TM2D1: variants seen among roughly 807,000 people sequenced by gnomAD.
TM2D1 encodes TM2 domain-containing protein 1.
Under a neutral mutation model 28.4 loss-of-function variants are expected in TM2D1, and 15 were observed. The observed-to-expected ratio is 0.53, with a 90% CI of 0.35 to 0.81. TM2D1 has a LOEUF of 0.81. Ranked by LOEUF, TM2D1 falls within the 40% of genes least tolerant of loss-of-function variation. TM2D1 has a pLI of 0.01. For missense variants in TM2D1, 236 were observed against 254.9 expected (o/e 0.93, Z 0.50); for synonymous variants, 93 against 96.2 (o/e 0.97, Z 0.20).
At chr1:61,705,958 T>C (rs1048899827) in intron 3 of TM2D1, among the ~76,000 whole-genome samples, 1 of 152,184 alleles carries the variant, frequency 6.6e-6, no homozygotes, top group Non-Finnish European at 1.5e-5. Flanking sequence ...TATATATAGT[T>C]TGAAAAACAA....
intron 5 of TM2D1, among the ~76,000 whole-genome samples, chr1:61,692,369 G>A (rs957213462): frequency 1.3e-4 from 19 of 151,712 alleles, no homozygotes; most frequent in East Asian, 3.9e-4. Context: ...TGCCCGATAC[G>A]TTTATGGGAT....
At chr1:61,721,785 A>G (rs1570133009) in intron 2 of TM2D1, among the ~76,000 whole-genome samples, 1 of 151,924 alleles carries the variant, frequency 6.6e-6, no homozygotes, top group East Asian at 1.9e-4. Flanking sequence ...TTGATTCACC[A>G]TAGTTAGTCC....
At chr1:61,690,623 G>C (rs1644317058) in intron 5 of TM2D1, among the ~76,000 whole-genome samples, 1 of 151,982 alleles carries the variant, frequency 6.6e-6, no homozygotes, top group South Asian at 2.1e-4. Flanking sequence ...TAGGCACAAA[G>C]CCACACTTTG....
chr1:61,694,911 C>A, intron 4 of TM2D1, 141 bp from the exon 5 acceptor site: 1 of 438,870 alleles, frequency 2.3e-6, no homozygotes, highest in East Asian at 3.6e-5. Flanking sequence ...TTAAAGAAAT[C>A]AAATCTTCAC....
intron 5 of TM2D1, among the ~76,000 whole-genome samples, chr1:61,690,262 G>A (rs1162790156): frequency 6.6e-6 from 1 of 152,052 alleles, no homozygotes; most frequent in African/African-American, 2.4e-5. Context: ...TTCAAGACCA[G>A]CCTGGCCAAT....
intron 3 of TM2D1, among the ~76,000 whole-genome samples, chr1:61,705,307 T>C (rs1335475028): frequency 6.6e-6 from 1 of 151,984 alleles, no homozygotes; most frequent in African/African-American, 2.4e-5. Flanking sequence ...ATGCCTCAGC[T>C]CCTGAGTAGC....
chr1:61,709,467 A>ATT (rs571139088), intron 2 of TM2D1, 30 bp from the exon 3 acceptor site: 128 of 1,357,862 alleles, frequency 9.4e-5, no homozygotes, highest in Non-Finnish European at 1.1e-4. Flanking sequence ...AGAAACTGTT[A>ATT]TTTTTTTTTT....
chr1:61,715,477 G>A lies in TM2D1; in HGVS notation c.239-6040C>T, dbSNP rs181042371. On this transcript the variant is annotated intron_variant, in intron 2 of 6. Transcript: ENST00000606498. ...AGCCTGGCCAACATGGTAAAACCCCGTCTCTACTAAAAATACACAAATTAG... is the reference window on the plus strand; with the variant it reads ...AGCCTGGCCAACATGGTAAAACCCCATCTCTACTAAAAATACACAAATTAG... Among the ~76,000 whole-genome samples the A allele has an allele frequency of 1.6e-3, 238 of 151,344 alleles. 1 individual carries two copies. The highest frequency in any genetic ancestry group is 4.8e-3 in the African/African-American group (197 of 41,268).
chr1:61,717,040 T>C (rs1294281199), intron 2 of TM2D1, among the ~76,000 whole-genome samples: 1 of 152,052 alleles, frequency 6.6e-6, no homozygotes, highest in Non-Finnish European at 1.5e-5. Flanking sequence ...AACAAATCAA[T>C]ATGACAAGAT....
intron 3 of TM2D1, among the ~76,000 whole-genome samples, chr1:61,702,504 G>A (rs1570110399): frequency 6.6e-6 from 1 of 150,812 alleles, no homozygotes; most frequent in East Asian, 2.0e-4. Context: ...AAGTACCTGG[G>A]AGTACAGGCG....
rs908424833 is a variant in TM2D1, at chr1:61,717,820, T to TA, written c.238+5892dup. Among the ~76,000 whole-genome samples the TA allele has an allele frequency of 4.1e-3, 598 of 144,732 alleles. 9 individuals are homozygous for TA. The highest frequency in any genetic ancestry group is 5.5e-3 in the South Asian group (25 of 4,572). The allele number at this position is 144,732 out of a possible 152,430, so 94.9% of individuals were successfully genotyped here. A position where few individuals can be genotyped will look rare whatever the true frequency, so the allele number is the denominator to read the frequency against. On this transcript the variant is annotated intron_variant, in intron 2 of 6. Transcript: ENST00000606498. ...ATCAGACAATGAAGTTTCATAACAA[T>TA]AAAAAAAAAAGGACTAAATTTAGCC... is the stretch of plus-strand genomic sequence containing the variant.
chr1:61,691,932 A>AAAAAAAAAAAT, intron 5 of TM2D1, among the ~76,000 whole-genome samples: 59 of 76,390 alleles, frequency 7.7e-4, no homozygotes, highest in African/African-American at 2.7e-3. Context: ...AAAAAAAAAA[A>AAAAAAAAAAAT]ATATATATAT....
chr1:61,696,244 A>G (rs1452099271), intron 4 of TM2D1: 3 of 152,208 alleles, frequency 2.0e-5, no homozygotes, highest in Admixed American at 6.5e-5. Flanking sequence ...ATTTGTTTAT[A>G]AAAAAGAATA....
chr1:61,694,855 A>T, intron 4 of TM2D1, 85 bp from the exon 5 acceptor site: 1 of 611,446 alleles, frequency 1.6e-6, no homozygotes, highest in Non-Finnish European at 2.7e-6. Flanking sequence ...AACCATTATT[A>T]TATATATATA....
intron 5 of TM2D1, among the ~76,000 whole-genome samples, chr1:61,685,146 T>A (rs750114234): frequency 6.6e-6 from 1 of 152,118 alleles, no homozygotes; most frequent in African/African-American, 2.4e-5. Flanking sequence ...TATATTAGGA[T>A]AAAATTCTGT....
At chr1:61,701,556 CGTGTGTGTGTGT>C (rs60257971) in intron 3 of TM2D1, among the ~76,000 whole-genome samples, 25 of 145,842 alleles carry the variant, frequency 1.7e-4, no homozygotes, top group Admixed American at 9.7e-4. Context: ...AATTCTCTTT[CGTGTGTGTGTGT>C]GTGTGTGTGT....
intron 3 of TM2D1, among the ~76,000 whole-genome samples, chr1:61,702,943 T>G (rs1644413007): frequency 6.6e-6 from 1 of 150,926 alleles, no homozygotes; most frequent in African/African-American, 2.4e-5. Flanking sequence ...CCACTTCTAC[T>G]AAAAATACAA....
chr1:61,696,611 T>C (rs1644364875), intron 4 of TM2D1, among the ~76,000 whole-genome samples: 1 of 151,878 alleles, frequency 6.6e-6, no homozygotes, highest in Non-Finnish European at 1.5e-5. Context: ...TAAAGTTATA[T>C]CTTTAACTGC....
intron 2 of TM2D1, among the ~76,000 whole-genome samples, chr1:61,716,754 C>A (rs942337606): frequency 2.0e-4 from 31 of 151,832 alleles, no homozygotes; most frequent in African/African-American, 7.2e-4. Context: ...AAGAAGCCTA[C>A]AACCCTAGAG....
Sources: gnomAD v4.1 joint callset for allele counts (sites outside exome capture counted in the v4.1 genomes callset) on GRCh38, gnomAD v4.1.1 for gene constraint, MANE v1.5 for transcripts, NCBI Gene and HGNC (gene_info 2026-07-23, HGNC 2026-07-21) for gene names.